Variants in SUSD4 observed in about 807,000 individuals in gnomAD.
SUSD4 encodes sushi domain containing 4, also known as sushi domain-containing protein 4.
SUSD4 carries 41 observed loss-of-function variants against 50.5 expected under a neutral mutation model. That is an observed-to-expected ratio of 0.81 (90% CI 0.63 to 1.05). The LOEUF is 1.05. Among genes scored for constraint, SUSD4 ranks in the 50% least tolerant of loss-of-function variants. The pLI is 0.00. For synonymous variants in SUSD4, 257 were observed against 257.3 expected (o/e 1.00, Z 0.01); for missense variants, 580 against 634.7 (o/e 0.91, Z 0.93).
intron 5 of SUSD4, chr1:223,263,670 C>T: frequency 5.1e-6 from 5 of 985,410 alleles, no homozygotes; most frequent in Non-Finnish European, 6.0e-6. Flanking sequence ...CACTCCACAT[C>T]CCTAGAGAGG....
chr1:223,237,761 G>A (rs1480580511), intron 5 of SUSD4, among the ~76,000 whole-genome samples: 1 of 151,812 alleles, frequency 6.6e-6, no homozygotes, highest in African/African-American at 2.4e-5. Context: ...ATTCTGTTGA[G>A]GATTTTTGCA....
chr1:223,313,541 G>A (rs539968564), intron 2 of SUSD4, among the ~76,000 whole-genome samples: 3 of 152,186 alleles, frequency 2.0e-5, no homozygotes, highest in African/African-American at 7.2e-5. Context: ...AAACCTGAGG[G>A]GGTAGTAGTG....
chr1:223,268,900 G>A (rs1662715418), intron 3 of SUSD4, among the ~76,000 whole-genome samples: 1 of 152,102 alleles, frequency 6.6e-6, no homozygotes, highest in Non-Finnish European at 1.5e-5. Context: ...AGGGCGTGGG[G>A]ATCCAACCAC....
chr1:223,288,716 G>A (rs1424141418), intron 3 of SUSD4, among the ~76,000 whole-genome samples: 1 of 152,150 alleles, frequency 6.6e-6, no homozygotes, highest in Admixed American at 6.5e-5. Context: ...CAAGACAAGG[G>A]TTGATTCTTC....
Position 223,363,310 on chromosome 1 carries a change from G to T in SUSD4, c.116C>A (p.Ala39Glu), listed in dbSNP as rs752637949. 2 of 1,610,184 alleles carry T rather than the reference G, an allele frequency of 1.2e-6. No individual in the cohort carries two copies. Among genetic ancestry groups the T allele is most frequent in the Non-Finnish European group, 1.7e-6 (2 of 1,178,500 alleles). The change falls in exon 2 of 9, where the codon GCG becomes GAG. Residue 39 changes from alanine (A) to glutamate (E), a missense_variant. Coordinates refer to ENST00000366878, the MANE Select transcript of SUSD4 (RefSeq NM_017982.4). Reference protein sequence around the residue: ...LLAVILWFQLALCFGPAQLTG... With the variant: ...LLAVILWFQLELCFGPAQLTG... ...GAGCTGTGCAGGGCCGAAGCACAGCGCCAGCTGAAACCACAGGATCACGGC... is the reference window on the plus strand; with the variant it reads ...GAGCTGTGCAGGGCCGAAGCACAGCTCCAGCTGAAACCACAGGATCACGGC...
At chr1:223,346,291 G>A (rs1668030789) in intron 2 of SUSD4, among the ~76,000 whole-genome samples, 1 of 152,072 alleles carries the variant, frequency 6.6e-6, no homozygotes, top group Non-Finnish European at 1.5e-5. Context: ...AACTCTCAGT[G>A]GCTCGTCGAT....
At chr1:223,274,644 T>G (rs985119035) in intron 3 of SUSD4, among the ~76,000 whole-genome samples, 7 of 152,248 alleles carry the variant, frequency 4.6e-5, no homozygotes, top group Non-Finnish European at 7.3e-5. Context: ...TATTTGTGGT[T>G]GACAAAGGCA....
intron 5 of SUSD4, among the ~76,000 whole-genome samples, chr1:223,234,196 G>C (rs1227607976): frequency 6.6e-6 from 1 of 152,206 alleles, no homozygotes; most frequent in Admixed American, 6.5e-5. Flanking sequence ...GCCAAGAATG[G>C]CCTGAGCTGG....
At chr1:223,303,687 C>T (rs113276769) in intron 2 of SUSD4, among the ~76,000 whole-genome samples, 44,766 of 151,954 alleles carry the variant, frequency 0.29, 7,672 homozygotes, top group Non-Finnish European at 0.4. Flanking sequence ...TCCCATGAGC[C>T]GCCAATGTAC....
intron 2 of SUSD4, among the ~76,000 whole-genome samples, chr1:223,355,079 ATT>A (rs35106430): frequency 5.4e-4 from 78 of 144,720 alleles, no homozygotes; most frequent in African/African-American, 1.9e-3. Flanking sequence ...CACCCAGCTA[ATT>A]TTTTTTTTTT....
rs201724634 is a variant in SUSD4 at position 223,323,923 on chromosome 1, T to TA, written c.149-31273dup. Among the ~76,000 whole-genome samples the TA allele has an allele frequency of 9.5e-3, 1,432 of 150,456 alleles. 24 individuals carry two copies. Among genetic ancestry groups the TA allele is most frequent in the African/African-American group, 0.032 (1,310 of 40,950 alleles). ...CTGGAATCAATCTGCCCAATTATTT[T>TA]AAAAAAAAAGAGACCTTAACTGAAG... On this transcript the variant is annotated intron_variant, in intron 2 of 8. Transcript: ENST00000366878.
chr1:223,359,550 C>T (rs1351494858), intron 2 of SUSD4, among the ~76,000 whole-genome samples: 1 of 152,224 alleles, frequency 6.6e-6, no homozygotes, highest in African/African-American at 2.4e-5. Flanking sequence ...AAGTAACTCA[C>T]TCATAGCAAT....
intron 2 of SUSD4, among the ~76,000 whole-genome samples, chr1:223,322,542 C>T (rs948997167): frequency 1.3e-5 from 2 of 152,102 alleles, no homozygotes; most frequent in Non-Finnish European, 2.9e-5. Context: ...AATCTGTACA[C>T]AAATAATTGT....
At chr1:223,360,308 T>A (rs1007611636) in intron 2 of SUSD4, 2 of 463,098 alleles carry the variant, frequency 4.3e-6, no homozygotes, top group Non-Finnish European at 8.9e-6. Flanking sequence ...TCTGGTCAAG[T>A]GTACTGGGGC....
chr1:223,298,846 C>T (rs1665005073), intron 2 of SUSD4, among the ~76,000 whole-genome samples: 1 of 152,184 alleles, frequency 6.6e-6, no homozygotes, highest in African/African-American at 2.4e-5. Flanking sequence ...AAAGAACATT[C>T]CCATGCACTT....
intron 5 of SUSD4, among the ~76,000 whole-genome samples, chr1:223,238,628 C>T (rs1660374459): frequency 6.6e-6 from 1 of 151,876 alleles, no homozygotes; most frequent in Non-Finnish European, 1.5e-5. Context: ...ACATTGTCTG[C>T]ATTTTGAGAT....
intron 3 of SUSD4, among the ~76,000 whole-genome samples, chr1:223,276,761 C>T (rs181860439): frequency 7.2e-4 from 110 of 152,340 alleles, no homozygotes; most frequent in Non-Finnish European, 5.1e-4. Context: ...TCTGCTCCTT[C>T]CCTTCTTAGG....
intron 2 of SUSD4, among the ~76,000 whole-genome samples, chr1:223,307,612 G>A (rs564600259): frequency 2.6e-5 from 4 of 152,242 alleles, no homozygotes; most frequent in Middle Eastern, 3.4e-3. Context: ...GGACTTTTGC[G>A]GGGGGATTGG....
chr1:223,270,004 G>A (rs1393122113), intron 3 of SUSD4, among the ~76,000 whole-genome samples: 1 of 152,152 alleles, frequency 6.6e-6, no homozygotes, highest in African/African-American at 2.4e-5. Context: ...GCTCGGAAAA[G>A]GGCACATCCA....
Sources: allele counts gnomAD v4.1 joint callset (sites outside exome capture counted in the v4.1 genomes callset), GRCh38; gene constraint gnomAD v4.1.1; transcripts MANE v1.5; gene names NCBI Gene and HGNC (gene_info 2026-07-23, HGNC 2026-07-21).